The following FYB1 variants were observed in gnomAD, a reference collection of about 807,000 sequenced individuals.
FYB1 encodes the protein FYN binding protein 1.
A neutral mutation model predicts 94.1 loss-of-function variants in FYB1; 41 were observed. The ratio of observed to expected loss-of-function variants is 0.44; its 90% CI spans 0.34 to 0.57. The LOEUF is 0.57. Ranked by LOEUF, FYB1 falls within the 20% of genes least tolerant of loss-of-function variation. FYB1 has a pLI of 0.02. For missense variants in FYB1, 1,050 were observed against 976.8 expected, an observed-to-expected ratio of 1.07 and a Z score of -1.00; for synonymous variants, 367 against 353.2, an observed-to-expected ratio of 1.04 and a Z score of -0.44.
At chr5:39,265,374 C>T (rs368256372) in intron 1 of FYB1, among the ~76,000 whole-genome samples, 9 of 152,122 alleles carry the variant, frequency 5.9e-5, no homozygotes, top group African/African-American at 1.9e-4. Flanking sequence ...GTCCCAGCTA[C>T]TCAGGAGGCT....
intron 2 of FYB1, among the ~76,000 whole-genome samples, chr5:39,171,016 G>A (rs1278802876): frequency 3.3e-5 from 5 of 152,184 alleles, no homozygotes; most frequent in African/African-American, 1.2e-4. Flanking sequence ...GACTGGGCAC[G>A]GTGACTCACA....
intron 3 of FYB1, among the ~76,000 whole-genome samples, chr5:39,148,158 TATATATATATATATA>T (rs1742886303): frequency 1.5e-3 from 8 of 5,190 alleles, no homozygotes; most frequent in South Asian, 6.8e-3. Context: ...GTATTTTTTA[TATATATATATATATA>T]TATATATATA....
chr5:39,163,248 G>T (rs1424603030), intron 2 of FYB1, among the ~76,000 whole-genome samples: 3 of 152,158 alleles, frequency 2.0e-5, no homozygotes, highest in Non-Finnish European at 1.5e-5. Flanking sequence ...CAATTTAGTT[G>T]AAAACAAAGC....
chr5:39,193,618 TA>T (rs1156496859), intron 2 of FYB1, among the ~76,000 whole-genome samples: 13 of 152,174 alleles, frequency 8.5e-5, no homozygotes, highest in Admixed American at 8.5e-4. Flanking sequence ...TTCTCTCTAA[TA>T]CACTCCAGGT....
At chr5:39,164,077 A>G (rs1479174348) in intron 2 of FYB1, among the ~76,000 whole-genome samples, 1 of 152,242 alleles carries the variant, frequency 6.6e-6, no homozygotes, top group Non-Finnish European at 1.5e-5. Flanking sequence ...CAGAGAAGGA[A>G]TAAACCTTGA....
intron 3 of FYB1, among the ~76,000 whole-genome samples, chr5:39,150,869 G>A (rs187763605): frequency 7.2e-5 from 11 of 152,250 alleles, no homozygotes; most frequent in African/African-American, 2.2e-4. Context: ...TCTCTTCTCA[G>A]CATAGCCATT....
At chr5:39,245,963 G>A (rs1186103499) in intron 1 of FYB1, among the ~76,000 whole-genome samples, 2 of 152,148 alleles carry the variant, frequency 1.3e-5, no homozygotes, top group African/African-American at 4.8e-5. Context: ...TTTCTTTAAA[G>A]CAGTCTTCAT....
intron 2 of FYB1, among the ~76,000 whole-genome samples, chr5:39,170,620 C>T (rs1745169489): frequency 6.6e-6 from 1 of 152,196 alleles, no homozygotes; most frequent in African/African-American, 2.4e-5. Context: ...GTAGCCTCCT[C>T]ACCAGTTTTT....
At chr5:39,215,344 CACTG>C (rs1190271084) in intron 1 of FYB1, among the ~76,000 whole-genome samples, 1 of 152,116 alleles carries the variant, frequency 6.6e-6, no homozygotes, top group Non-Finnish European at 1.5e-5. Flanking sequence ...ACACAACTCT[CACTG>C]ACTACTTTTT....
chr5:39,157,521 T>A (rs76226450), intron 2 of FYB1, among the ~76,000 whole-genome samples: 3,180 of 152,178 alleles, frequency 0.021, 111 homozygotes, highest in African/African-American at 0.072. Flanking sequence ...TGACTGATAA[T>A]AGCTGGTTGG....
chr5:39,174,788 A>C (rs1745566890), intron 2 of FYB1, among the ~76,000 whole-genome samples: 1 of 152,164 alleles, frequency 6.6e-6, no homozygotes, highest in Non-Finnish European at 1.5e-5. Flanking sequence ...TATTTTTGTT[A>C]GTGTTTTCAG....
At chr5:39,121,070 T>C (rs1185837406) in intron 14 of FYB1, among the ~76,000 whole-genome samples, 4 of 150,670 alleles carry the variant, frequency 2.7e-5, no homozygotes, top group Non-Finnish European at 4.4e-5. Flanking sequence ...AAATTGTCCA[T>C]ATCACATAAA....
chr5:39,239,449 A>G (rs1238851801), intron 1 of FYB1, among the ~76,000 whole-genome samples: 4 of 152,132 alleles, frequency 2.6e-5, no homozygotes, highest in African/African-American at 9.6e-5. Flanking sequence ...GATCTGATAA[A>G]CAATTTCAGC....
chr5:39,136,624 G>T (rs112945178), intron 7 of FYB1, among the ~76,000 whole-genome samples: 1 of 152,028 alleles, frequency 6.6e-6, no homozygotes, highest in Non-Finnish European at 1.5e-5. Flanking sequence ...AAGAATCAGC[G>T]GCTCAGAGAA....
rs964028729 is a variant in FYB1 at position 39,206,466 on chromosome 5, A to G, written c.-27-3479T>C. Among the ~76,000 whole-genome samples, 45 of 152,324 alleles carry G rather than the reference A, an allele frequency of 3.0e-4. 1 individual carries two copies. The highest frequency in any genetic ancestry group is 1.0e-3 in the African/African-American group (42 of 41,576). ...ATGGACATTCTCTCATTCTGATTTC[A>G]TTGTAGATTGAATATCTATTCAATT... is the stretch of plus-strand genomic sequence containing the variant. On this transcript the variant is annotated intron_variant, in intron 1 of 18. Coordinates refer to ENST00000512982, the MANE Select transcript of FYB1 (RefSeq NM_001465.6).
At position 39,105,963 on chromosome 5, in the gene FYB1, A is replaced by G. The variant is rs1047031282; in HGVS notation, c.*1480T>C. 3 of 152,118 alleles carry G rather than the reference A, an allele frequency of 2.0e-5. No individual in the cohort carries two copies. The highest frequency in any genetic ancestry group is 4.4e-5 in the Non-Finnish European group (3 of 68,018). The allele number at this position is 152,118 out of a possible 1,614,324, so 9.4% of individuals were successfully genotyped here. A position where few individuals can be genotyped will look rare whatever the true frequency, so the allele number is the denominator to read the frequency against. ...GAAACCCCACTTCATCTCTGTGAAG[A>G]TTTTCAGTTCCTTTACAGTTATTTG... On this transcript the variant is annotated 3_prime_UTR_variant, in exon 19 of 19. Coordinates refer to ENST00000512982, the MANE Select transcript of FYB1 (RefSeq NM_001465.6).
chr5:39,230,009 A>T (rs1750652878), intron 1 of FYB1, among the ~76,000 whole-genome samples: 1 of 152,272 alleles, frequency 6.6e-6, no homozygotes, highest in East Asian at 1.9e-4. Context: ...GGAATCTCTG[A>T]ACTACTTTAT....
chr5:39,189,641 G>T (rs1468641065), intron 2 of FYB1, among the ~76,000 whole-genome samples: 2 of 152,084 alleles, frequency 1.3e-5, no homozygotes, highest in East Asian at 3.9e-4. Context: ...ATGGGTCAAA[G>T]AAATGAGGAA....
chr5:39,242,115 A>G (rs1422268592), intron 1 of FYB1, among the ~76,000 whole-genome samples: 1 of 151,702 alleles, frequency 6.6e-6, no homozygotes, highest in East Asian at 1.9e-4. Flanking sequence ...GCCTCAAAAC[A>G]TTTTTCAATC....
Sources: allele counts gnomAD v4.1 joint callset (sites outside exome capture counted in the v4.1 genomes callset), GRCh38; gene constraint gnomAD v4.1.1; transcripts MANE v1.5; gene names NCBI Gene and HGNC (gene_info 2026-07-23, HGNC 2026-07-21).